The following SESN3 variants were observed in gnomAD, a reference collection of about 807,000 sequenced individuals.
SESN3 encodes the protein sestrin 3, also known as sestrin-3.
A neutral mutation model predicts 55.3 loss-of-function variants in SESN3; 21 were observed. The ratio of observed to expected loss-of-function variants is 0.38; its 90% CI spans 0.27 to 0.55. The LOEUF (loss-of-function observed/expected upper bound fraction) is 0.55, where lower values mean the gene tolerates loss of function less well. Among genes scored for constraint, SESN3 ranks in the 20% least tolerant of loss-of-function variants. SESN3 has a pLI of 0.76. For synonymous variants in SESN3, 181 were observed against 203.1 expected (o/e 0.89, Z 0.93); for missense variants, 408 against 604.3 (o/e 0.68, Z 3.41).
At chr11:95,209,484 CGT>C (rs1860609930) in intron 1 of SESN3, among the ~76,000 whole-genome samples, 1 of 151,188 alleles carries the variant, frequency 6.6e-6, no homozygotes, top group African/African-American at 2.4e-5. Flanking sequence ...TGTGGAAGAC[CGT>C]GTGGCGATTC....
Position 95,166,683 on chromosome 11 carries a change from G to C in SESN3, c.*6572C>G, listed in dbSNP as rs3802776. ...CTAATCCAAGTAGCAAGGCCATGTTGCAAGTGGACCTGACAGGGTTCTTTA... is the reference window on the plus strand; with the variant it reads ...CTAATCCAAGTAGCAAGGCCATGTTCCAAGTGGACCTGACAGGGTTCTTTA... On this transcript the variant is annotated 3_prime_UTR_variant, in exon 10 of 10. Coordinates refer to ENST00000536441, the MANE Select transcript of SESN3 (RefSeq NM_144665.4). 15,756 of 152,224 alleles carry C rather than the reference G, an allele frequency of 0.1. 921 individuals are homozygous for C. The highest frequency in any genetic ancestry group is 0.19 in the East Asian group (965 of 5,174). The allele number at this position is 152,224 out of a possible 1,614,324, so 9.4% of individuals were successfully genotyped here. A position where few individuals can be genotyped will look rare whatever the true frequency, so the allele number is the denominator to read the frequency against.
chr11:95,185,590 G>C, intron 4 of SESN3, 98 bp from the exon 5 acceptor site: 1 of 770,244 alleles, frequency 1.3e-6, no homozygotes, highest in South Asian at 1.6e-5. Context: ...TCCACTTAGA[G>C]TAATAAAACT....
chr11:95,187,104 A>G (rs949962606), intron 4 of SESN3, among the ~76,000 whole-genome samples: 1 of 151,974 alleles, frequency 6.6e-6, no homozygotes, highest in Non-Finnish European at 1.5e-5. Flanking sequence ...GTATATCAAC[A>G]GATGTATATA....
intron 6 of SESN3, among the ~76,000 whole-genome samples, chr11:95,180,392 T>C (rs1860038090): frequency 6.6e-6 from 1 of 152,196 alleles, no homozygotes; most frequent in Non-Finnish European, 1.5e-5. Flanking sequence ...TTTTCAGCTG[T>C]CTTTAGGTCA....
In SESN3 at chr11:95,165,970, G is replaced by A. The variant is rs984712974; in HGVS notation, c.*7285C>T. 6.6e-6 allele frequency: 1 copy of A among 152,106 alleles called. No individual in the cohort carries two copies. The highest frequency in any genetic ancestry group is 1.5e-5 in the Non-Finnish European group (1 of 68,004). 9.4% of individuals were successfully genotyped at this position (152,106 alleles called of 1,614,324 possible). On this transcript the variant is annotated 3_prime_UTR_variant, in exon 10 of 10. Coordinates refer to ENST00000536441, the MANE Select transcript of SESN3 (RefSeq NM_144665.4). ...CTTCTTAACTGCTGATTCATGTGGA[G>A]GGCATTAAGAGTTGAAAAGGCTTAT... is the stretch of plus-strand genomic sequence containing the variant.
At chr11:95,179,637 G>A (rs1057307816) in intron 6 of SESN3, among the ~76,000 whole-genome samples, 2 of 152,120 alleles carry the variant, frequency 1.3e-5, no homozygotes, top group Admixed American at 1.3e-4. Flanking sequence ...GATCAGAAAG[G>A]ACACTCAGTG....
rs984449351 is a variant in SESN3 at position 95,173,124 on chromosome 11, A to AT, written c.*130_*131insA. 1.1e-5 allele frequency: 6 copies of AT among 535,566 alleles called. No homozygotes were observed. The Admixed American group carries it at 1.5e-4, about 13-fold the overall frequency. The allele number at this position is 535,566 out of a possible 1,614,324, so 33.2% of individuals were successfully genotyped here. A position where few individuals can be genotyped will look rare whatever the true frequency, so the allele number is the denominator to read the frequency against. ...ACATTACAGCCGCAAAAAACAAAAA[A>AT]AAAAAAACAAACGGCTAAACTTTGA... On this transcript the variant is annotated 3_prime_UTR_variant, in exon 10 of 10. Coordinates refer to ENST00000536441, the MANE Select transcript of SESN3 (RefSeq NM_144665.4).
intron 1 of SESN3, among the ~76,000 whole-genome samples, chr11:95,209,609 C>T (rs1404350816): frequency 6.6e-6 from 1 of 151,304 alleles, no homozygotes. Context: ...TGTATGTTTA[C>T]TGCAGCACTA....
intron 1 of SESN3, among the ~76,000 whole-genome samples, chr11:95,221,877 A>G (rs1005604338): frequency 2.6e-5 from 4 of 152,222 alleles, no homozygotes; most frequent in Admixed American, 2.0e-4. Context: ...GGATCTAAAA[A>G]GTAAAGGCTA....
chr11:95,200,161 A>G (rs537415239), intron 1 of SESN3, among the ~76,000 whole-genome samples: 21 of 152,232 alleles, frequency 1.4e-4, no homozygotes, highest in African/African-American at 5.1e-4. Flanking sequence ...CAACAACAAC[A>G]ACGACAAAAA....
rs1342516917 is a variant in SESN3, at chr11:95,169,445, T to C, written c.*3810A>G. 3 of 152,224 alleles carry C rather than the reference T, an allele frequency of 2.0e-5. No individual in the cohort carries two copies. Among genetic ancestry groups the C allele is most frequent in the African/African-American group, 7.2e-5 (3 of 41,466 alleles). The allele number at this position is 152,224 out of a possible 1,614,324, so 9.4% of individuals were successfully genotyped here. On this transcript the variant is annotated 3_prime_UTR_variant, in exon 10 of 10. Coordinates refer to ENST00000536441, the MANE Select transcript of SESN3 (RefSeq NM_144665.4). ...CATAACAAACATTATTGTTATGTAC[T>C]GTTTAGTCCATGTTAAGACCATCTC...
At chr11:95,204,856 G>A (rs577222325) in intron 1 of SESN3, 1 of 152,284 alleles carries the variant, frequency 6.6e-6, no homozygotes, top group African/African-American at 2.4e-5. Flanking sequence ...CTTGAACTAA[G>A]TACTTGAAAA....
rs747162939 is a variant in SESN3, at chr11:95,193,466, T to A, written c.135A>T (p.Pro45=). Residue 45 remains proline, a synonymous_variant, in exon 2 of 10, where the codon CCA becomes CCT. Transcript: ENST00000536441. ...AGACAGATAAACTTACTTCCTTCTC[T>A]GGAATAAAGGCACTTGGTCCTCTTG... ...PLTRGPSAFI[P]EKEVVQANTV... 6.3e-5 allele frequency: 100 copies of A among 1,574,908 alleles called. No individual in the cohort carries two copies. Among genetic ancestry groups the A allele is most frequent in the Non-Finnish European group, 8.6e-5 (99 of 1,146,054 alleles).
chr11:95,188,925 T>C (rs558550079), intron 4 of SESN3, among the ~76,000 whole-genome samples: 20 of 151,962 alleles, frequency 1.3e-4, no homozygotes, highest in African/African-American at 4.8e-4. Flanking sequence ...AGAACATAAA[T>C]CTTAAGACAG....
At chr11:95,182,719 T>G (rs113380012) in intron 6 of SESN3, among the ~76,000 whole-genome samples, 8 of 152,324 alleles carry the variant, frequency 5.3e-5, no homozygotes, top group Non-Finnish European at 1.2e-4. Context: ...TTCTTAAGGT[T>G]AGCAAGATCC....
At position 95,195,182 on chromosome 11, in the gene SESN3, C is replaced by T. The variant is rs774153772; in HGVS notation, c.79-1660G>A. Among the ~76,000 whole-genome samples the T allele has an allele frequency of 1.7e-4, 26 of 151,746 alleles. No individual in the cohort carries two copies. The East Asian group carries it at 1.9e-3, about 11-fold the overall frequency. On this transcript the variant is annotated intron_variant, in intron 1 of 9. Coordinates refer to ENST00000536441, the MANE Select transcript of SESN3 (RefSeq NM_144665.4). ...AAGATGGACAATGGGATTTTGGAAA[C>T]AAAAAATGATTTATTAAATTTGTTG... is the stretch of plus-strand genomic sequence containing the variant.
rs1282285420 is a variant in SESN3, at chr11:95,167,879, C to A, written c.*5376G>T. The A allele has an allele frequency of 6.6e-6, 1 of 152,178 alleles. No homozygotes were observed. The highest frequency in any genetic ancestry group is 1.5e-5 in the Non-Finnish European group (1 of 68,022). 9.4% of individuals were successfully genotyped at this position (152,178 alleles called of 1,614,324 possible). A position where few individuals can be genotyped will look rare whatever the true frequency, so the allele number is the denominator to read the frequency against. On this transcript the variant is annotated 3_prime_UTR_variant, in exon 10 of 10. Coordinates refer to ENST00000536441, the MANE Select transcript of SESN3 (RefSeq NM_144665.4). ...CATCTTCTTCCTCTTTGCATTTCCTCTTCCTTCTGGATATACCCGAAGTGC... is the reference window on the plus strand; with the variant it reads ...CATCTTCTTCCTCTTTGCATTTCCTATTCCTTCTGGATATACCCGAAGTGC...
At chr11:95,212,300 T>C (rs1860670972) in intron 1 of SESN3, among the ~76,000 whole-genome samples, 1 of 152,112 alleles carries the variant, frequency 6.6e-6, no homozygotes, top group South Asian at 2.1e-4. Flanking sequence ...GTTTTCCATT[T>C]TTAGCTATCT....
chr11:95,193,808 G>A (rs1860310631), intron 1 of SESN3, among the ~76,000 whole-genome samples: 1 of 152,032 alleles, frequency 6.6e-6, no homozygotes, highest in Non-Finnish European at 1.5e-5. Flanking sequence ...CATCTGACAT[G>A]CCTGAAAACC....
Sources: gnomAD v4.1 joint callset for allele counts (sites outside exome capture counted in the v4.1 genomes callset) on GRCh38, gnomAD v4.1.1 for gene constraint, MANE v1.5 for transcripts, NCBI Gene and HGNC (gene_info 2026-07-23, HGNC 2026-07-21) for gene names.